Variants in ADAM12 observed in about 807,000 individuals in gnomAD.
The protein encoded by ADAM12 is ADAM metallopeptidase domain 12.
ADAM12 carries 70 observed loss-of-function variants against 106.4 expected under a neutral mutation model. The observed-to-expected ratio is 0.66, with a 90% CI of 0.54 to 0.80. The LOEUF (loss-of-function observed/expected upper bound fraction) is 0.80, where lower values mean the gene tolerates loss of function less well. ADAM12 is among the 30% of genes least tolerant of loss of function. The pLI is 0.00. For missense variants in ADAM12, 1,010 were observed against 1,171.9 expected (o/e 0.86, Z 2.02); for synonymous variants, 420 against 433.5 (o/e 0.97, Z 0.39).
chr10:126,106,061 C>G (rs1955759918), intron 8 of ADAM12, among the ~76,000 whole-genome samples: 1 of 152,188 alleles, frequency 6.6e-6, no homozygotes. Flanking sequence ...TCCTGCTCCC[C>G]CTTTCCTGGG....
At chr10:126,334,164 A>G (rs994619182) in intron 1 of ADAM12, among the ~76,000 whole-genome samples, 4 of 152,250 alleles carry the variant, frequency 2.6e-5, no homozygotes, top group African/African-American at 9.6e-5. Context: ...ATCAGAATAT[A>G]TTTTATGGAG....
intron 3 of ADAM12, among the ~76,000 whole-genome samples, chr10:126,201,180 A>G (rs969979198): frequency 3.9e-5 from 6 of 152,182 alleles, no homozygotes; most frequent in African/African-American, 1.4e-4. Context: ...TCCTTCCAAA[A>G]AGATACGTTT....
intron 18 of ADAM12, chr10:126,041,402 T>C (rs1954165197): frequency 3.0e-6 from 3 of 985,766 alleles, no homozygotes; most frequent in Middle Eastern, 5.2e-4. Flanking sequence ...GTTAGGCTCT[T>C]ACATTGTTTT....
chr10:126,222,080 A>AC (rs546011308), intron 3 of ADAM12, among the ~76,000 whole-genome samples: 67 of 152,232 alleles, frequency 4.4e-4, no homozygotes, highest in Admixed American at 3.1e-3. Context: ...CTATGATGCT[A>AC]CCTACACGTC....
intron 3 of ADAM12, among the ~76,000 whole-genome samples, chr10:126,248,681 GTATGTATTTATTTATTTATTTATT>G (rs1220750901): frequency 4.7e-4 from 15 of 31,790 alleles, no homozygotes; most frequent in African/African-American, 2.7e-3. Flanking sequence ...ATGTATGTAT[GTATGTATTTATTTATTTATTTATT>G]TATTTATTTA....
At chr10:126,354,447 T>C (rs1351081664) in intron 1 of ADAM12, among the ~76,000 whole-genome samples, 1 of 71,652 alleles carries the variant, frequency 1.4e-5, no homozygotes, top group East Asian at 3.0e-4. Context: ...TGGCATGCAG[T>C]AGAACGTCTG....
chr10:126,230,317 C>T (rs992914152), intron 3 of ADAM12, among the ~76,000 whole-genome samples: 2 of 152,178 alleles, frequency 1.3e-5, no homozygotes, highest in African/African-American at 4.8e-5. Flanking sequence ...ATTTATCTGA[C>T]GTTCAATACA....
At chr10:126,017,449 TGTCAGATACCACTGCCCCTCATAACGG>T in intron 22 of ADAM12, 110 bp from the exon 23 acceptor site, 1 of 1,084,722 alleles carries the variant, frequency 9.2e-7, no homozygotes, top group Non-Finnish European at 1.3e-6. Context: ...GGGTTTTCTG[TGTCAGATACCACTGCCCCTCATAACGG>T]GGGTGGGAAA....
chr10:126,379,692 T>TA (rs561970418), intron 1 of ADAM12, among the ~76,000 whole-genome samples: 89 of 152,122 alleles, frequency 5.9e-4, no homozygotes, highest in Non-Finnish European at 1.0e-3. Flanking sequence ...TAAAGTATAT[T>TA]AAAAAAAGTT....
At chr10:126,139,719 T>C (rs1216415889) in intron 4 of ADAM12, among the ~76,000 whole-genome samples, 1 of 152,104 alleles carries the variant, frequency 6.6e-6, no homozygotes, top group Non-Finnish European at 1.5e-5. Flanking sequence ...GGAGTGTAGC[T>C]CTCACAGTGC....
chr10:126,367,152 T>C (rs1486856917), intron 1 of ADAM12, among the ~76,000 whole-genome samples: 2 of 151,938 alleles, frequency 1.3e-5, no homozygotes, highest in Non-Finnish European at 2.9e-5. Context: ...TATCCATCAA[T>C]AAAGACTATA....
chr10:126,255,637 A>G (rs1958875718), intron 3 of ADAM12, among the ~76,000 whole-genome samples: 1 of 152,152 alleles, frequency 6.6e-6, no homozygotes, highest in East Asian at 1.9e-4. Flanking sequence ...ATCAAAACAC[A>G]CTTCCTCCTG....
At chr10:126,263,669 C>T (rs979989051) in intron 3 of ADAM12, among the ~76,000 whole-genome samples, 2 of 152,118 alleles carry the variant, frequency 1.3e-5, no homozygotes, top group African/African-American at 4.8e-5. Flanking sequence ...ATTTATGTGT[C>T]CTTCAGTAAC....
intron 20 of ADAM12, 91 bp downstream of exon 20, chr10:126,038,150 C>G (rs569900501): frequency 1.7e-6 from 2 of 1,176,966 alleles, no homozygotes; most frequent in Admixed American, 4.0e-5. Flanking sequence ...TCACAGGCAG[C>G]GCCTCTAGGA....
chr10:126,222,593 G>T (rs1958115667), intron 3 of ADAM12, among the ~76,000 whole-genome samples: 1 of 151,660 alleles, frequency 6.6e-6, no homozygotes, highest in African/African-American at 2.4e-5. Context: ...GACTCACTGG[G>T]GGTCCTTTGG....
chr10:126,337,831 T>C (rs908340322), intron 1 of ADAM12, among the ~76,000 whole-genome samples: 9 of 152,226 alleles, frequency 5.9e-5, no homozygotes, highest in Non-Finnish European at 1.2e-4. Flanking sequence ...CTTTGAGTGC[T>C]GGGGCTATGA....
At chr10:126,035,085 A>C (rs73374543) in intron 21 of ADAM12, among the ~76,000 whole-genome samples, 3,662 of 152,276 alleles carry the variant, frequency 0.024, 144 homozygotes, top group African/African-American at 0.081. Context: ...GAACTACTAG[A>C]CAGCAACAAA....
Position 126,118,109 on chromosome 10 carries a change from A to T in ADAM12, c.532T>A (p.Ser178Thr), listed in dbSNP as rs764824147. ...KLKSVRGSCG[S>T]HHNTPNLAAK... The stretch of plus-strand genomic sequence containing the variant: ...GCGAGGTTTGGTGTGTTGTGATGTG[A>T]TCCACATGATCCCCGGACGCTTTTC... Residue 178 changes from serine (S) to threonine (T), a missense_variant, in exon 6 of 23, where the codon TCA becomes ACA. Around this residue, in one of 3 missense-constraint regions of ADAM12, gnomAD observed 391 missense variants for 442.9 expected, o/e 0.88. Transcript: ENST00000448723. 9 of 1,614,174 alleles carry T rather than the reference A, an allele frequency of 5.6e-6. No individual in the cohort carries two copies. Among genetic ancestry groups the T allele is most frequent in the Non-Finnish European group, 7.6e-6 (9 of 1,180,020 alleles).
At chr10:126,079,560 A>G (rs1955172652) in intron 11 of ADAM12, among the ~76,000 whole-genome samples, 1 of 152,128 alleles carries the variant, frequency 6.6e-6, no homozygotes, top group Non-Finnish European at 1.5e-5. Flanking sequence ...CCATACCACA[A>G]TTTGCTATCT....
Sources: gnomAD v4.1 joint callset for allele counts (sites outside exome capture counted in the v4.1 genomes callset) on GRCh38, gnomAD v4.1.1 for gene constraint, gnomAD v4.1.1 regional missense constraint, MANE v1.5 for transcripts, NCBI Gene and HGNC (gene_info 2026-07-23, HGNC 2026-07-21) for gene names.